The following IFT56 variants were observed in gnomAD, a reference collection of about 807,000 sequenced individuals.
IFT56 encodes the protein intraflagellar transport 56.
chr7:139,177,260 C>T, the IFT56 span, among the ~76,000 whole-genome samples: 1 of 150,004 alleles, frequency 6.7e-6, no homozygotes, highest in East Asian at 2.0e-4. Flanking sequence ...ATTTATACTA[C>T]ATATGTATAT....
the IFT56 span, chr7:139,161,211 A>T: frequency 2.0e-6 from 1 of 500,748 alleles, no homozygotes; most frequent in Admixed American, 3.8e-5. Context: ...CCTTGTTGGG[A>T]GAACAGGAAT....
At chr7:139,152,246 C>G in the IFT56 span, among the ~76,000 whole-genome samples, 1 of 152,166 alleles carries the variant, frequency 6.6e-6, no homozygotes, top group Non-Finnish European at 1.5e-5. Context: ...TTTGCCTCAG[C>G]CTCCCAAGTA....
the IFT56 span, among the ~76,000 whole-genome samples, chr7:139,164,841 G>A: frequency 6.6e-6 from 1 of 152,106 alleles, no homozygotes; most frequent in Admixed American, 6.5e-5. Flanking sequence ...GAGTGATAAT[G>A]GAGGTAGGTT....
chr7:139,173,364 G>T, the IFT56 span: 13 of 492,098 alleles, frequency 2.6e-5, no homozygotes, highest in African/African-American at 4.0e-5. Context: ...AGTAGCTGGG[G>T]ATTACAGGCT....
At chr7:139,177,277 T>C in the IFT56 span, among the ~76,000 whole-genome samples, 999 of 151,650 alleles carry the variant, frequency 6.6e-3, 14 homozygotes, top group African/African-American at 0.024. Flanking sequence ...ATATCTGATA[T>C]GTATGTTCTG....
the IFT56 span, among the ~76,000 whole-genome samples, chr7:139,138,811 CTTTTTTT>C: frequency 2.9e-5 from 4 of 136,504 alleles, no homozygotes; most frequent in African/African-American, 1.1e-4. Flanking sequence ...TATGGATTTA[CTTTTTTT>C]TTTTTTTTTT....
chr7:139,142,622 G>C, the IFT56 span, among the ~76,000 whole-genome samples: 5 of 152,184 alleles, frequency 3.3e-5, no homozygotes, highest in Non-Finnish European at 7.3e-5. Flanking sequence ...CTGAAGTCAG[G>C]AGTTGGAGAC....
At chr7:139,191,543 T>C in the IFT56 span, 2 of 152,210 alleles carry the variant, frequency 1.3e-5, no homozygotes, top group Admixed American at 1.3e-4. Flanking sequence ...TTGTGTTGAA[T>C]TCAGCACTCT....
At chr7:139,153,151 G>GAAA in the IFT56 span, among the ~76,000 whole-genome samples, 4 of 132,526 alleles carry the variant, frequency 3.0e-5, no homozygotes, top group African/African-American at 8.3e-5. Context: ...TCCGTCTCCG[G>GAAA]AAAAAAAAAA....
chr7:139,134,169 G>T, the IFT56 span, among the ~76,000 whole-genome samples: 1 of 152,104 alleles, frequency 6.6e-6, no homozygotes, highest in Non-Finnish European at 1.5e-5. Context: ...GTAGCTGTTT[G>T]GTCCTTCCTA....
the IFT56 span, among the ~76,000 whole-genome samples, chr7:139,164,332 G>T: frequency 6.6e-6 from 1 of 152,196 alleles, no homozygotes; most frequent in African/African-American, 2.4e-5. Flanking sequence ...GAGGAAACAG[G>T]CTCAGAAAGG....
the IFT56 span, among the ~76,000 whole-genome samples, chr7:139,170,252 T>C: frequency 5.9e-5 from 9 of 152,140 alleles, no homozygotes; most frequent in Non-Finnish European, 8.8e-5. Flanking sequence ...CCAGGACCCA[T>C]TGGCTTCACT....
At chr7:139,167,934 C>T in the IFT56 span, among the ~76,000 whole-genome samples, 12 of 133,124 alleles carry the variant, frequency 9.0e-5, no homozygotes, top group Admixed American at 6.7e-4. Flanking sequence ...GAGCAAGACT[C>T]GGTCTCAAAA....
chr7:139,136,856 G>T, the IFT56 span, among the ~76,000 whole-genome samples: 37,724 of 152,164 alleles, frequency 0.25, 8,457 homozygotes, highest in African/African-American at 0.57. Flanking sequence ...ATGGTTTGGG[G>T]AAGGAAGTCT....
chr7:139,189,607 A>G, the IFT56 span: 1 of 546,182 alleles, frequency 1.8e-6, no homozygotes, highest in South Asian at 2.5e-5. Flanking sequence ...GGCTGAACAG[A>G]GTGCCATAGT....
the IFT56 span, chr7:139,179,727 G>A: frequency 8.6e-7 from 1 of 1,157,820 alleles, no homozygotes; most frequent in Non-Finnish European, 1.3e-6. Context: ...GACATTGAAA[G>A]TTTTCTAATT....
the IFT56 span, among the ~76,000 whole-genome samples, chr7:139,163,039 T>A: frequency 6.7e-6 from 1 of 150,280 alleles, no homozygotes; most frequent in Non-Finnish European, 1.5e-5. Flanking sequence ...TTACACAGTA[T>A]GCATTTAGAA....
the IFT56 span, among the ~76,000 whole-genome samples, chr7:139,175,212 G>T: frequency 6.6e-6 from 1 of 151,952 alleles, no homozygotes; most frequent in African/African-American, 2.4e-5. Context: ...TAGAGAAAAG[G>T]GACCTTCGTA....
chr7:139,152,249 C>A, the IFT56 span, among the ~76,000 whole-genome samples: 1 of 152,166 alleles, frequency 6.6e-6, no homozygotes, highest in African/African-American at 2.4e-5. Flanking sequence ...GCCTCAGCCT[C>A]CCAAGTAGCT....
Sources: allele counts gnomAD v4.1 joint callset (sites outside exome capture counted in the v4.1 genomes callset), GRCh38; gene constraint gnomAD v4.1.1; transcripts MANE v1.5; gene names NCBI Gene and HGNC (gene_info 2026-07-23, HGNC 2026-07-21).